The following WNK2 variants were observed in gnomAD, a reference collection of about 807,000 sequenced individuals.
WNK2 encodes the protein WNK lysine deficient protein kinase 2.
In WNK2, 67 loss-of-function variants were observed where a neutral mutation model predicts 192.1. That is an observed-to-expected ratio of 0.35 (90% CI 0.29 to 0.43). The LOEUF (loss-of-function observed/expected upper bound fraction) is 0.43, where lower values mean the gene tolerates loss of function less well. WNK2 is among the 20% of genes least tolerant of loss of function. The pLI is 1.00. For synonymous variants in WNK2, 1,439 were observed against 1,393.9 expected (o/e 1.03, Z -0.72); for missense variants, 2,698 against 3,089.7 (o/e 0.87, Z 3.01).
chr9:93,273,554 C>T (rs772128271), intron 19 of WNK2, among the ~76,000 whole-genome samples: 1 of 152,152 alleles, frequency 6.6e-6, no homozygotes, highest in Admixed American at 6.5e-5. Flanking sequence ...GAACTGAAAG[C>T]AGAAATAGAC....
chr9:93,303,505 G>A (rs1420555048), intron 26 of WNK2, among the ~76,000 whole-genome samples: 1 of 152,216 alleles, frequency 6.6e-6, no homozygotes, highest in Admixed American at 6.5e-5. Flanking sequence ...TCCCACCGTG[G>A]AATGCTTTCA....
At chr9:93,261,748 TGGG>T (rs1202688506) in intron 12 of WNK2, 63 bp from the exon 13 acceptor site, 2 of 1,528,264 alleles carry the variant, frequency 1.3e-6, no homozygotes, top group Non-Finnish European at 1.8e-6. Flanking sequence ...CAGACACACC[TGGG>T]CACGGCCCCC....
intron 4 of WNK2, among the ~76,000 whole-genome samples, chr9:93,232,731 A>T (rs975651480): frequency 6.6e-6 from 1 of 152,180 alleles, no homozygotes; most frequent in Non-Finnish European, 1.5e-5. Flanking sequence ...AGGTGTTTCC[A>T]GCAGGCACAG....
At chr9:93,221,346 G>A (rs1587993257) in intron 2 of WNK2, among the ~76,000 whole-genome samples, 1 of 152,196 alleles carries the variant, frequency 6.6e-6, no homozygotes, top group Non-Finnish European at 1.5e-5. Flanking sequence ...AGCTTGTCCC[G>A]GGGAAGGACA....
At chr9:93,206,747 C>T (rs1833463271) in intron 2 of WNK2, among the ~76,000 whole-genome samples, 1 of 152,194 alleles carries the variant, frequency 6.6e-6, no homozygotes, top group East Asian at 1.9e-4. Flanking sequence ...AGGCTGTGCC[C>T]TCTTGGGGAG....
At chr9:93,192,494 C>T (rs192846517) in intron 2 of WNK2, among the ~76,000 whole-genome samples, 30 of 151,562 alleles carry the variant, frequency 2.0e-4, no homozygotes, top group African/African-American at 5.8e-4. Context: ...GGGTGGTCCT[C>T]GGGTGGAGTG....
chr9:93,202,325 C>CGTGTGTGTGTGTGTGTGTGTGT (rs761769543), intron 2 of WNK2, among the ~76,000 whole-genome samples: 13 of 130,562 alleles, frequency 1.0e-4, no homozygotes, highest in Non-Finnish European at 2.0e-4. Flanking sequence ...TCCGTGTGCA[C>CGTGTGTGTGTGTGTGTGTGTGT]GTGTGTGTGT....
At chr9:93,311,411 TC>T (rs1239164845) in intron 28 of WNK2, among the ~76,000 whole-genome samples, 1 of 152,172 alleles carries the variant, frequency 6.6e-6, no homozygotes, top group African/African-American at 2.4e-5. Flanking sequence ...TGTACAAGCA[TC>T]CCTTCAAGAC....
intron 2 of WNK2, among the ~76,000 whole-genome samples, chr9:93,226,384 A>G (rs569773365): frequency 2.1e-4 from 32 of 152,002 alleles, no homozygotes; most frequent in African/African-American, 7.2e-4. Flanking sequence ...CAGTTCTTCC[A>G]TGTCTCTTAA....
chr9:93,298,701 T>C (rs1851045356), intron 24 of WNK2, among the ~76,000 whole-genome samples: 1 of 152,162 alleles, frequency 6.6e-6, no homozygotes, highest in Non-Finnish European at 1.5e-5. Context: ...AAGCTCACTA[T>C]AAGCCCACAA....
intron 7 of WNK2, among the ~76,000 whole-genome samples, chr9:93,240,441 G>A (rs555598080): frequency 3.3e-5 from 5 of 152,314 alleles, no homozygotes; most frequent in African/African-American, 1.2e-4. Context: ...AGAAAGGCGG[G>A]TTGGGGGTAC....
chr9:93,272,765 A>T (rs1846201836), intron 19 of WNK2, among the ~76,000 whole-genome samples: 2 of 150,776 alleles, frequency 1.3e-5, no homozygotes, highest in African/African-American at 4.9e-5. Flanking sequence ...AATTCAAATA[A>T]CCCGGAAGAG....
Position 93,289,239 on chromosome 9 carries a change from A to T in WNK2, c.4485A>T (p.Gln1495His). ...GGACCCCACAGCCCGCCTTGGGTCA[A>T]CCTGCTCCCCTGCTTCCTGCCGCAG... ...HSGTPQPALG[Q>H]PAPLLPAAVG... is the part of the protein sequence containing the mutation. The change falls in exon 20 of 30, where the codon CAA (glutamine) becomes CAT (histidine). Residue 1495 changes from glutamine (Q) to histidine (H), a missense_variant. Gln to His is a conservative substitution (Grantham distance 24, BLOSUM62 0). Around this residue, in one of 7 missense-constraint regions of WNK2, gnomAD observed 1,098 missense variants for 1,101.0 expected, o/e 1.00. Coordinates refer to ENST00000427277, the MANE Select transcript of WNK2 (RefSeq NM_006648.4). 6.2e-7 allele frequency: 1 copy of T among 1,604,566 alleles called. No homozygotes were observed. The highest frequency in any genetic ancestry group is 8.5e-7 in the Non-Finnish European group (1 of 1,178,300).
intron 5 of WNK2, among the ~76,000 whole-genome samples, chr9:93,235,460 G>A (rs1051056739): frequency 6.6e-6 from 1 of 152,248 alleles, no homozygotes; most frequent in Non-Finnish European, 1.5e-5. Flanking sequence ...AGTCGTCAGC[G>A]CCAGGCAGCT....
intron 29 of WNK2, chr9:93,319,175 C>G: frequency 6.2e-7 from 1 of 1,613,884 alleles, no homozygotes; most frequent in South Asian, 1.1e-5. Flanking sequence ...GATTGTATAT[C>G]TGAAGGAGAA....
intron 21 of WNK2, among the ~76,000 whole-genome samples, chr9:93,292,001 T>G (rs2086103): frequency 0.4 from 60,810 of 152,154 alleles, 12,794 homozygotes; most frequent in South Asian, 0.61. Context: ...CTTCAGGTGC[T>G]CAGAGAAGGC....
intron 23 of WNK2, among the ~76,000 whole-genome samples, chr9:93,295,372 C>G (rs984716122): frequency 6.6e-6 from 1 of 152,102 alleles, no homozygotes; most frequent in African/African-American, 2.4e-5. Flanking sequence ...CTCTGTCTCT[C>G]TGGTGTTTGT....
chr9:93,291,836 G>C lies in WNK2; in HGVS notation c.4937-472G>C, dbSNP rs1031773287. Among the ~76,000 whole-genome samples, 15 of 152,206 alleles carry C rather than the reference G, an allele frequency of 9.9e-5. 1 individual carries two copies. The highest frequency in any genetic ancestry group is 3.3e-4 in the Admixed American group (5 of 15,278). Reference sequence around the variant, plus strand: ...CGGCAACCCTGGGAAAAGCTAGTCAGAAAGAGCTCCCTAGATGGAGAGCAC... The same window carrying C: ...CGGCAACCCTGGGAAAAGCTAGTCACAAAGAGCTCCCTAGATGGAGAGCAC... On this transcript the variant is annotated intron_variant, in intron 21 of 29. Transcript: ENST00000427277.
intron 4 of WNK2, 102 bp downstream of exon 4, chr9:93,231,210 C>A: frequency 8.5e-7 from 1 of 1,175,976 alleles, no homozygotes; most frequent in Non-Finnish European, 1.2e-6. Flanking sequence ...GTGCAGGAGA[C>A]CCAGTGGGAG....
Sources: allele counts gnomAD v4.1 joint callset (sites outside exome capture counted in the v4.1 genomes callset), GRCh38; gene constraint gnomAD v4.1.1; regional missense constraint gnomAD v4.1.1; transcripts MANE v1.5; gene names NCBI Gene and HGNC (gene_info 2026-07-23, HGNC 2026-07-21).